DOCK2: variants seen among roughly 807,000 people sequenced by gnomAD.
DOCK2 encodes the protein dedicator of cytokinesis protein 2.
Under a neutral mutation model 248.9 loss-of-function variants are expected in DOCK2, and 87 were observed. The observed-to-expected ratio is 0.35, with a 90% CI of 0.29 to 0.42. The LOEUF (loss-of-function observed/expected upper bound fraction) is 0.42. DOCK2 is among the 10% of genes least tolerant of loss of function. The pLI, the probability that DOCK2 is intolerant of heterozygous loss-of-function variation, is 1.00. For synonymous variants in DOCK2, 805 were observed against 821.6 expected, an observed-to-expected ratio of 0.98 and a Z score of 0.35; for missense variants, 1,747 against 2,300.2, an observed-to-expected ratio of 0.76 and a Z score of 4.92.
chr5:170,000,626 G>T (rs556989918), intron 30 of DOCK2, among the ~76,000 whole-genome samples: 5 of 152,312 alleles, frequency 3.3e-5, no homozygotes, highest in Admixed American at 2.6e-4. Context: ...GACTCTCCAT[G>T]TTGAAATCTC....
intron 35 of DOCK2, 100 bp from the exon 36 acceptor site, chr5:170,036,415 T>G: frequency 8.1e-7 from 1 of 1,239,384 alleles, no homozygotes; most frequent in South Asian, 1.4e-5. Context: ...GGTACCCAGA[T>G]ACTAGACAGC....
rs114753055 is a variant in DOCK2, at chr5:170,056,521, C to G, written c.4296-163C>G. The G allele has an allele frequency of 8.9e-4, 508 of 572,426 alleles. 2 individuals carry two copies. Among genetic ancestry groups the G allele is most frequent in the African/African-American group, 8.6e-3 (455 of 52,836 alleles). The allele number at this position is 572,426 out of a possible 1,614,324, so 35.5% of individuals were successfully genotyped here. Reference sequence around the variant, plus strand: ...CAGGAAAGCCTGTGCAAAAGTCACTCTTACGGAGCCCAGAACACAGACCTT... The same window carrying G: ...CAGGAAAGCCTGTGCAAAAGTCACTGTTACGGAGCCCAGAACACAGACCTT... On this transcript the variant is annotated intron_variant, in intron 42 of 51. Transcript: ENST00000520908.
In DOCK2 at chr5:169,783,819, G is replaced by T. The variant is rs191385479; in HGVS notation, c.2555-19239G>T. Among the ~76,000 whole-genome samples the T allele has an allele frequency of 5.8e-4, 88 of 152,288 alleles. 2 individuals are homozygous for T. The highest frequency in any genetic ancestry group is 5.8e-3 in the Admixed American group (88 of 15,298). On this transcript the variant is annotated intron_variant, in intron 25 of 51. Coordinates refer to ENST00000520908, the MANE Select transcript of DOCK2 (RefSeq NM_004946.3). ...CAGATGGATAAACCTGCTTAAATGT[G>T]CCAGTTCTTTCCAATAAGCAAGCTT...
intron 30 of DOCK2, among the ~76,000 whole-genome samples, chr5:170,003,126 C>A (rs1220676636): frequency 6.6e-6 from 1 of 152,226 alleles, no homozygotes; most frequent in East Asian, 1.9e-4. Context: ...TACTCCACAA[C>A]CAATGCTACC....
At chr5:169,749,463 G>A (rs890230788) in intron 23 of DOCK2, among the ~76,000 whole-genome samples, 1 of 152,190 alleles carries the variant, frequency 6.6e-6, no homozygotes, top group African/African-American at 2.4e-5. Context: ...ACAATGATTA[G>A]TGTGTCTTCA....
intron 27 of DOCK2, among the ~76,000 whole-genome samples, chr5:169,853,185 T>C (rs530062189): frequency 2.0e-5 from 3 of 152,380 alleles, no homozygotes; most frequent in East Asian, 1.9e-4. Context: ...TCCACCATGA[T>C]TGGGAGGACT....
At position 170,082,953 on chromosome 5, in the gene DOCK2, A is replaced by C. The variant is rs947823225; in HGVS notation, c.*95A>C. On this transcript the variant is annotated 3_prime_UTR_variant, in exon 52 of 52. Transcript: ENST00000520908. ...GAACATCGAAGCCTCAGAGAGTGGGAGACTGTCCCCATCAGTTGTCCTTAC... is the reference window on the plus strand; with the variant it reads ...GAACATCGAAGCCTCAGAGAGTGGGCGACTGTCCCCATCAGTTGTCCTTAC... 6.6e-7 allele frequency: 1 copy of C among 1,512,730 alleles called. No individual in the cohort carries two copies. The highest frequency in any genetic ancestry group is 1.4e-5 in the African/African-American group (1 of 73,030). 93.7% of individuals were successfully genotyped at this position (1,512,730 alleles called of 1,614,324 possible). A position where few individuals can be genotyped will look rare whatever the true frequency, so the allele number is the denominator to read the frequency against.
intron 27 of DOCK2, among the ~76,000 whole-genome samples, chr5:169,940,431 C>A (rs543799642): frequency 7.2e-5 from 11 of 152,260 alleles, no homozygotes; most frequent in African/African-American, 2.6e-4. Flanking sequence ...TTTCCACAGA[C>A]CGGGAGGAGG....
chr5:169,738,376 G>T (rs1046841980), intron 22 of DOCK2, among the ~76,000 whole-genome samples: 2 of 152,162 alleles, frequency 1.3e-5, no homozygotes, highest in African/African-American at 4.8e-5. Context: ...ATGGAGGCTT[G>T]GTCCTCCATG....
intron 27 of DOCK2, among the ~76,000 whole-genome samples, chr5:169,868,848 G>A (rs774455406): frequency 6.6e-6 from 1 of 152,054 alleles, no homozygotes; most frequent in Non-Finnish European, 1.5e-5. Context: ...GAGATGGAAC[G>A]GAAACTTTAT....
At chr5:169,797,401 C>T (rs1346011494) in intron 25 of DOCK2, among the ~76,000 whole-genome samples, 1 of 152,300 alleles carries the variant, frequency 6.6e-6, no homozygotes, top group Middle Eastern at 3.4e-3. Flanking sequence ...AAAAAGGGTC[C>T]TCTTATTTGA....
chr5:169,913,493 C>A (rs2113627299), intron 27 of DOCK2, among the ~76,000 whole-genome samples: 1 of 152,314 alleles, frequency 6.6e-6, no homozygotes, highest in African/African-American at 2.4e-5. Flanking sequence ...TTTCTACTGG[C>A]TTCTTTGACT....
intron 30 of DOCK2, among the ~76,000 whole-genome samples, chr5:170,006,182 A>G (rs1755028063): frequency 6.6e-6 from 1 of 152,218 alleles, no homozygotes; most frequent in African/African-American, 2.4e-5. Flanking sequence ...GTCTGAGGGG[A>G]TGTGGACAGG....
chr5:169,927,568 G>C (rs1775525626), intron 27 of DOCK2, among the ~76,000 whole-genome samples: 1 of 152,230 alleles, frequency 6.6e-6, no homozygotes. Context: ...AAGAATCAAA[G>C]ATAATTCTAA....
At chr5:169,896,453 TG>T (rs1773613988) in intron 27 of DOCK2, among the ~76,000 whole-genome samples, 1 of 152,230 alleles carries the variant, frequency 6.6e-6, no homozygotes, top group Admixed American at 6.5e-5. Context: ...TTAACCTCTC[TG>T]GGCTATGATT....
chr5:169,819,050 C>T (rs951139921), intron 26 of DOCK2, among the ~76,000 whole-genome samples: 3 of 152,156 alleles, frequency 2.0e-5, no homozygotes, highest in Non-Finnish European at 4.4e-5. Context: ...GAAATGCCTT[C>T]GCTTTTATAT....
In DOCK2 at chr5:169,714,462, G is replaced by C; in HGVS notation, c.1941+5G>C. ...GATGGAGAGGAAGTGGTGAAGGTCA[G>C]TGGGGCTTCATTTTGATTGTATTCT... On this transcript the variant is annotated splice_donor_5th_base_variant and intron_variant, in intron 19 of 51. Transcript: ENST00000520908. The C allele has an allele frequency of 6.2e-7, 1 of 1,613,816 alleles. No homozygotes were observed. The highest frequency in any genetic ancestry group is 8.5e-7 in the Non-Finnish European group (1 of 1,179,818).
chr5:169,845,404 T>C (rs1379531807), intron 27 of DOCK2, among the ~76,000 whole-genome samples: 1 of 152,102 alleles, frequency 6.6e-6, no homozygotes, highest in Non-Finnish European at 1.5e-5. Flanking sequence ...CCACATTTAG[T>C]GGACCCCCCG....
At chr5:169,950,348 C>T (rs1396432603) in intron 27 of DOCK2, among the ~76,000 whole-genome samples, 1 of 152,218 alleles carries the variant, frequency 6.6e-6, no homozygotes, top group Non-Finnish European at 1.5e-5. Context: ...ATGCAAAGCG[C>T]TTAGTGTCTA....
Sources: allele counts gnomAD v4.1 joint callset (sites outside exome capture counted in the v4.1 genomes callset), GRCh38; gene constraint gnomAD v4.1.1; transcripts MANE v1.5; gene names NCBI Gene and HGNC (gene_info 2026-07-23, HGNC 2026-07-21).